TTC28: variants seen among roughly 807,000 people sequenced by gnomAD.
The protein encoded by TTC28 is tetratricopeptide repeat protein 28.
In TTC28, 61 loss-of-function variants were observed where a neutral mutation model predicts 198.0. That is an observed-to-expected ratio of 0.31 (90% CI 0.25 to 0.38). The LOEUF is 0.38. Among genes scored for constraint, TTC28 ranks in the 10% least tolerant of loss-of-function variants. The pLI is 1.00. For missense variants in TTC28, 2,678 were observed against 3,164.0 expected (o/e 0.85, Z 3.69); for synonymous variants, 1,171 against 1,297.8 (o/e 0.90, Z 2.10).
intron 12 of TTC28, among the ~76,000 whole-genome samples, chr22:28,087,404 CA>C (rs752299754): frequency 6.6e-6 from 1 of 152,126 alleles, no homozygotes; most frequent in African/African-American, 2.4e-5. Flanking sequence ...GAACCAAAGA[CA>C]AAAACCACAT....
intron 5 of TTC28, among the ~76,000 whole-genome samples, chr22:28,236,059 A>C (rs1929221209): frequency 6.6e-6 from 1 of 152,188 alleles, no homozygotes; most frequent in Admixed American, 6.5e-5. Flanking sequence ...GACCAACAGC[A>C]GTCCCAGGTC....
At chr22:28,299,116 T>C (rs1445422212) in intron 3 of TTC28, among the ~76,000 whole-genome samples, 1 of 152,118 alleles carries the variant, frequency 6.6e-6, no homozygotes, top group Non-Finnish European at 1.5e-5. Context: ...CTCCCAATTC[T>C]TTTTTTCTTT....
rs139013535 is a variant in TTC28, at chr22:28,057,698, T to C, written c.3933-27332A>G. 1.1e-3 allele frequency among the ~76,000 whole-genome samples: 168 copies of C among 152,296 alleles called. 2 individuals are homozygous for C. The highest frequency in any genetic ancestry group is 2.1e-3 in the Non-Finnish European group (144 of 67,998). The stretch of plus-strand genomic sequence containing the variant: ...TCTAAGTCAGAAATATTCTCTTCCA[T>C]GTTTTCATATAACAGTTTTATAGTT... On this transcript the variant is annotated intron_variant, in intron 12 of 22. Transcript: ENST00000397906.
intron 5 of TTC28, among the ~76,000 whole-genome samples, chr22:28,206,113 A>G (rs946154608): frequency 6.6e-6 from 1 of 152,058 alleles, no homozygotes; most frequent in Non-Finnish European, 1.5e-5. Flanking sequence ...TGCAAAGTCT[A>G]CTCCCATGAT....
At chr22:28,214,903 A>G (rs1004687121) in intron 5 of TTC28, among the ~76,000 whole-genome samples, 2 of 152,176 alleles carry the variant, frequency 1.3e-5, no homozygotes, top group African/African-American at 4.8e-5. Context: ...CAAGGATAGA[A>G]TGGATTAAGA....
chr22:28,468,081 A>AT (rs1019922527), intron 2 of TTC28, among the ~76,000 whole-genome samples: 6 of 151,924 alleles, frequency 3.9e-5, no homozygotes, highest in Admixed American at 6.6e-5. Flanking sequence ...CCCATAAGAG[A>AT]TTTTTTTATT....
intron 5 of TTC28, among the ~76,000 whole-genome samples, chr22:28,220,269 G>A (rs1373566438): frequency 6.6e-6 from 1 of 152,194 alleles, no homozygotes; most frequent in African/African-American, 2.4e-5. Context: ...CATTGTATTA[G>A]TTATCTATTG....
intron 2 of TTC28, among the ~76,000 whole-genome samples, chr22:28,379,543 T>C (rs2073114059): frequency 6.6e-6 from 1 of 152,184 alleles, no homozygotes; most frequent in South Asian, 2.1e-4. Flanking sequence ...AAATACTGTA[T>C]AATTCCACTT....
At chr22:28,421,955 G>A (rs2146173236) in intron 2 of TTC28, among the ~76,000 whole-genome samples, 1 of 149,568 alleles carries the variant, frequency 6.7e-6, no homozygotes, top group East Asian at 2.0e-4. Context: ...AAAAAGAAGA[G>A]TTATGATAAA....
At chr22:28,404,371 G>A (rs930365541) in intron 2 of TTC28, among the ~76,000 whole-genome samples, 3 of 152,122 alleles carry the variant, frequency 2.0e-5, no homozygotes, top group African/African-American at 7.2e-5. Context: ...GCCCGCCTCG[G>A]CCTCCCAAAG....
At chr22:28,214,282 G>A (rs546118251) in intron 5 of TTC28, among the ~76,000 whole-genome samples, 1 of 152,250 alleles carries the variant, frequency 6.6e-6, no homozygotes, top group African/African-American at 2.4e-5. Context: ...TTGACAAATG[G>A]GATCTAATTA....
chr22:28,460,950 C>T lies in TTC28; in HGVS notation c.382-154307G>A, dbSNP rs150969172. Reference sequence around the variant, plus strand: ...CCTCCGACCTTGGCTTATCAAAATGCTGAGATTACAGGCATAAGCCACCAT... The same window carrying T: ...CCTCCGACCTTGGCTTATCAAAATGTTGAGATTACAGGCATAAGCCACCAT... On this transcript the variant is annotated intron_variant, in intron 2 of 22. Transcript: ENST00000397906. Among the ~76,000 whole-genome samples the T allele has an allele frequency of 4.2e-4, 64 of 152,222 alleles. 1 individual carries two copies. The highest frequency in any genetic ancestry group is 1.4e-3 in the African/African-American group (60 of 41,522).
intron 5 of TTC28, among the ~76,000 whole-genome samples, chr22:28,277,721 C>T (rs959271809): frequency 1.3e-5 from 2 of 152,142 alleles, no homozygotes; most frequent in Non-Finnish European, 2.9e-5. Context: ...TTATTATTAG[C>T]TGTGTAATGT....
intron 2 of TTC28, among the ~76,000 whole-genome samples, chr22:28,584,124 C>A (rs774393924): frequency 6.6e-6 from 1 of 151,678 alleles, no homozygotes; most frequent in Non-Finnish European, 1.5e-5. Context: ...GAACTACAGG[C>A]ACATTCTTTT....
chr22:28,286,021 A>G (rs564551859), intron 5 of TTC28, among the ~76,000 whole-genome samples: 8 of 151,198 alleles, frequency 5.3e-5, no homozygotes, highest in African/African-American at 1.9e-4. Context: ...TTTTTTTGAG[A>G]CAGAATCTCA....
At position 28,437,213 on chromosome 22, in the gene TTC28, G is replaced by A. The variant is rs1304507328; in HGVS notation, c.382-130570C>T. On this transcript the variant is annotated intron_variant, in intron 2 of 22. Coordinates refer to ENST00000397906, the MANE Select transcript of TTC28 (RefSeq NM_001145418.2). ...TTCTCGTGCCTCAGCCAGCTGAGTT[G>A]CTGGGTTAACAAGCATGCACCACTA... 2.0e-5 allele frequency among the ~76,000 whole-genome samples: 3 copies of A among 152,064 alleles called. No homozygotes were observed. In the South Asian group the frequency reaches 6.2e-4, roughly 32 times the overall value.
intron 2 of TTC28, among the ~76,000 whole-genome samples, chr22:28,514,340 G>A (rs1049413185): frequency 1.3e-5 from 2 of 152,216 alleles, no homozygotes; most frequent in African/African-American, 2.4e-5. Context: ...TACTGGGAAA[G>A]AGAACAATTT....
chr22:28,207,762 T>C (rs545817307), intron 5 of TTC28, among the ~76,000 whole-genome samples: 1 of 152,298 alleles, frequency 6.6e-6, no homozygotes, highest in South Asian at 2.1e-4. Context: ...GATTTGGCCT[T>C]GCTCACACTG....
intron 1 of TTC28, among the ~76,000 whole-genome samples, chr22:28,661,664 A>T (rs2051751520): frequency 1.3e-5 from 2 of 151,818 alleles, no homozygotes; most frequent in African/African-American, 4.8e-5. Flanking sequence ...GCTGGAGTGC[A>T]GTGGCACGAT....
Sources: allele counts gnomAD v4.1 joint callset (sites outside exome capture counted in the v4.1 genomes callset), GRCh38; gene constraint gnomAD v4.1.1; transcripts MANE v1.5; gene names NCBI Gene and HGNC (gene_info 2026-07-23, HGNC 2026-07-21).